CELF1: variants seen among roughly 807,000 people sequenced by gnomAD.
The protein encoded by CELF1 is 50 kDa nuclear polyadenylated RNA-binding protein.
Under a neutral mutation model 61.8 loss-of-function variants are expected in CELF1, and 10 were observed. The observed-to-expected ratio is 0.16, with a 90% CI of 0.10 to 0.27. The LOEUF is 0.27. Among genes scored for constraint, CELF1 ranks in the 10% least tolerant of loss-of-function variants. The pLI, the probability that CELF1 is intolerant of heterozygous loss-of-function variation, is 1.00. For missense variants in CELF1, 380 were observed against 639.1 expected, an observed-to-expected ratio of 0.59 and a Z score of 4.37; for synonymous variants, 236 against 225.1, an observed-to-expected ratio of 1.05 and a Z score of -0.43.
chr11:47,482,711 C>G lies in CELF1; in HGVS notation c.752G>C (p.Gly251Ala). The change falls in exon 9 of 15, where the codon GGA becomes GCA. Residue 251 changes from glycine to alanine, a missense_variant. Transcript: ENST00000687097. Reference sequence around the variant, plus strand: ...AAGACTCACTGCTAAATACTGGGGTCCAAGAGTATTTAGACCAGCAAGGTT... The same window carrying G: ...AAGACTCACTGCTAAATACTGGGGTGCAAGAGTATTTAGACCAGCAAGGTT... ...WGNLAGLNTL[G>A]PQYLALYLQL... 1 of 1,613,748 alleles carries G rather than the reference C, an allele frequency of 6.2e-7. No homozygotes were observed. The highest frequency in any genetic ancestry group is 8.5e-7 in the Non-Finnish European group (1 of 1,179,964).
intron 1 of CELF1, among the ~76,000 whole-genome samples, chr11:47,532,727 G>T (rs963970982): frequency 7.9e-5 from 12 of 152,170 alleles, no homozygotes; most frequent in Non-Finnish European, 1.8e-4. Flanking sequence ...AAAAATCTCT[G>T]AAGTTTCTAG....
chr11:47,481,164 T>G (rs747281788), intron 9 of CELF1, among the ~76,000 whole-genome samples: 1 of 123,428 alleles, frequency 8.1e-6, no homozygotes, highest in Non-Finnish European at 1.6e-5. Flanking sequence ...CAGGCTGGAG[T>G]GCAATGGTGC....
intron 4 of CELF1, 87 bp from the exon 5 acceptor site, chr11:47,487,328 T>G: frequency 1.0e-6 from 1 of 964,336 alleles, no homozygotes; most frequent in East Asian, 2.5e-5. Flanking sequence ...GATCAGATCT[T>G]AAAAGAGGGC....
At chr11:47,473,293 G>C (rs2078471380) in intron 13 of CELF1, 62 bp from the exon 14 acceptor site, 3 of 1,478,952 alleles carry the variant, frequency 2.0e-6, no homozygotes, top group Non-Finnish European at 2.8e-6. Flanking sequence ...CCCTGCACCA[G>C]TGATCTTTCA....
chr11:47,560,265 G>A (rs2097221143), intron 2 of CELF1, among the ~76,000 whole-genome samples: 1 of 152,074 alleles, frequency 6.6e-6, no homozygotes, highest in African/African-American at 2.4e-5. Flanking sequence ...CTCTCAGCCT[G>A]GGTGATGGGA....
chr11:47,496,879 A>C (rs2093213966), intron 3 of CELF1, among the ~76,000 whole-genome samples: 1 of 152,228 alleles, frequency 6.6e-6, no homozygotes, highest in South Asian at 2.1e-4. Context: ...AGTTTATTCC[A>C]AGATTTTAGA....
intron 9 of CELF1, among the ~76,000 whole-genome samples, chr11:47,482,206 A>AT (rs2083686769): frequency 1.4e-5 from 2 of 140,474 alleles, no homozygotes; most frequent in Non-Finnish European, 3.2e-5. Flanking sequence ...CTCCGTCTCA[A>AT]AAAATAAATA....
intron 1 of CELF1, among the ~76,000 whole-genome samples, chr11:47,539,273 C>T (rs1319428908): frequency 1.3e-5 from 2 of 152,140 alleles, no homozygotes; most frequent in Non-Finnish European, 2.9e-5. Context: ...GCATTCTAAA[C>T]ACCAAATGCA....
At chr11:47,516,455 A>G (rs1214047959) in intron 1 of CELF1, among the ~76,000 whole-genome samples, 1 of 152,190 alleles carries the variant, frequency 6.6e-6, no homozygotes, top group Admixed American at 6.5e-5. Context: ...AATGGTTGCT[A>G]CAGCTGATAA....
At chr11:47,543,431 A>G (rs2096859408) in intron 1 of CELF1, among the ~76,000 whole-genome samples, 1 of 152,146 alleles carries the variant, frequency 6.6e-6, no homozygotes, top group Non-Finnish European at 1.5e-5. Flanking sequence ...AAAAGCCCCA[A>G]ACTTTACAAA....
intron 1 of CELF1, among the ~76,000 whole-genome samples, chr11:47,516,461 G>A (rs567788747): frequency 1.1e-3 from 171 of 152,242 alleles, no homozygotes; most frequent in Admixed American, 3.0e-3. Context: ...TGCTACAGCT[G>A]ATAATTAAGC....
chr11:47,477,627 G>A (rs890013235), intron 10 of CELF1: 48 of 522,892 alleles, frequency 9.2e-5, no homozygotes, highest in Admixed American at 4.2e-4. Context: ...CCTCAGAGAA[G>A]AGATGGCTAA....
rs1457665433 is a variant in CELF1 at position 47,560,663 on chromosome 11, GC to G, written c.-11+3687del. Among the ~76,000 whole-genome samples the G allele has an allele frequency of 3.9e-5, 6 of 152,230 alleles. No individual in the cohort carries two copies. In the South Asian group the frequency reaches 1.2e-3, roughly 32 times the overall value. ...AAAATTAGATATTGGTGATAGTTGT[GC>G]AACCCTGTGAGTATATTAACAAACA... On this transcript the variant is annotated intron_variant, in intron 2 of 3. Transcript: ENST00000525841.
chr11:47,469,380 AG>A lies in CELF1; in HGVS notation c.*2849del, dbSNP rs1173967149. ...GGCCCTGGCCACTCAAGGGGAACCC[AG>A]GAGACAGTGGTCTGGCTGCATTCAA... On this transcript the variant is annotated 3_prime_UTR_variant, in exon 15 of 15. Transcript: ENST00000687097. 2 of 152,422 alleles carry A rather than the reference AG, an allele frequency of 1.3e-5. No homozygotes were observed. The highest frequency in any genetic ancestry group is 2.9e-5 in the Non-Finnish European group (2 of 68,068). 9.4% of individuals were successfully genotyped at this position (152,422 alleles called of 1,614,324 possible). A position where few individuals can be genotyped will look rare whatever the true frequency, so the allele number is the denominator to read the frequency against.
At chr11:47,493,000 T>C (rs760095228) in intron 3 of CELF1, among the ~76,000 whole-genome samples, 2 of 152,206 alleles carry the variant, frequency 1.3e-5, no homozygotes, top group Admixed American at 1.3e-4. Flanking sequence ...CTGTTGTTTG[T>C]GTGCCAATTC....
intron 1 of CELF1, among the ~76,000 whole-genome samples, chr11:47,545,850 C>CGTGTGTGTGT (rs1206141521): frequency 6.4e-5 from 8 of 124,042 alleles, no homozygotes; most frequent in Non-Finnish European, 1.1e-4. Flanking sequence ...CATATGTATA[C>CGTGTGTGTGT]GTGTGTGTGT....
At chr11:47,478,089 G>C (rs2081087645) in intron 10 of CELF1, among the ~76,000 whole-genome samples, 1 of 152,250 alleles carries the variant, frequency 6.6e-6, no homozygotes, top group African/African-American at 2.4e-5. Flanking sequence ...GGTGAGGGGT[G>C]GGGGGAGTGG....
At chr11:47,503,742 TA>T (rs2094197706) in intron 1 of CELF1, among the ~76,000 whole-genome samples, 1 of 152,236 alleles carries the variant, frequency 6.6e-6, no homozygotes, top group Admixed American at 6.5e-5. Flanking sequence ...ATTTCTAATA[TA>T]ACTACTGGGT....
intron 1 of CELF1, among the ~76,000 whole-genome samples, chr11:47,527,353 C>T (rs970987908): frequency 2.0e-5 from 3 of 151,834 alleles, no homozygotes; most frequent in Middle Eastern, 3.2e-3. Context: ...ATCGTGCCAC[C>T]GCACTCCGGC....
Sources: gnomAD v4.1 joint callset for allele counts (sites outside exome capture counted in the v4.1 genomes callset) on GRCh38, gnomAD v4.1.1 for gene constraint, MANE v1.5 for transcripts, NCBI Gene and HGNC (gene_info 2026-07-23, HGNC 2026-07-21) for gene names.